Variants in PKD1L1 observed in about 807,000 individuals in gnomAD.
PKD1L1 encodes the protein polycystin-1-like protein 1.
Under a neutral mutation model 323.4 loss-of-function variants are expected in PKD1L1, and 236 were observed. The ratio of observed to expected loss-of-function variants is 0.73; its 90% CI spans 0.66 to 0.81. The LOEUF (loss-of-function observed/expected upper bound fraction) is 0.81, where lower values mean the gene tolerates loss of function less well. Among genes scored for constraint, PKD1L1 ranks in the 40% least tolerant of loss-of-function variants. The probability of loss-of-function intolerance (pLI) is 0.00; values close to 1 mark genes in which losing one functional copy is unlikely to be tolerated. For synonymous variants in PKD1L1, 1,344 were observed against 1,335.0 expected (o/e 1.01, Z -0.15); for missense variants, 3,320 against 3,508.0 (o/e 0.95, Z 1.35).
intron 24 of PKD1L1, among the ~76,000 whole-genome samples, chr7:47,872,190 G>C (rs1329659078): frequency 6.6e-6 from 1 of 152,234 alleles, no homozygotes; most frequent in East Asian, 1.9e-4. Context: ...CAGGAGTCTG[G>C]AGCCCCAGTC....
intron 7 of PKD1L1, among the ~76,000 whole-genome samples, chr7:47,925,269 G>C (rs770561726): frequency 3.9e-5 from 6 of 152,148 alleles, no homozygotes; most frequent in Non-Finnish European, 8.8e-5. Context: ...CAACACTTTG[G>C]GAGGCTGAGG....
In PKD1L1 at chr7:47,838,815, T is replaced by A. The variant is rs899278650; in HGVS notation, c.5769+631A>T. Among the ~76,000 whole-genome samples the A allele has an allele frequency of 1.1e-4, 16 of 146,428 alleles. No homozygotes were observed. The East Asian group carries it at 3.2e-3, about 29-fold the overall frequency. ...ATCACTTGAACCCGGGAGGCAGAGGTTGCAGTGAGTCGAGATCGTGCCACT... is the reference window on the plus strand; with the variant it reads ...ATCACTTGAACCCGGGAGGCAGAGGATGCAGTGAGTCGAGATCGTGCCACT... On this transcript the variant is annotated intron_variant, in intron 36 of 56. Coordinates refer to ENST00000289672, the MANE Select transcript of PKD1L1 (RefSeq NM_138295.5).
At chr7:47,900,804 G>A (rs1409456069) in intron 13 of PKD1L1, among the ~76,000 whole-genome samples, 2 of 152,146 alleles carry the variant, frequency 1.3e-5, no homozygotes, top group Non-Finnish European at 2.9e-5. Flanking sequence ...ATATAGTGAT[G>A]TATAATCTTT....
chr7:47,954,152 C>T, the PKD1L1 span, among the ~76,000 whole-genome samples: 1 of 152,300 alleles, frequency 6.6e-6, no homozygotes, highest in South Asian at 2.1e-4. Flanking sequence ...TGCGCTAAGA[C>T]ACGCCAACCA....
intron 56 of PKD1L1, among the ~76,000 whole-genome samples, chr7:47,781,021 T>C (rs1786679953): frequency 6.6e-6 from 1 of 152,228 alleles, no homozygotes; most frequent in Admixed American, 6.5e-5. Flanking sequence ...TTCCCATCAG[T>C]AATGTATGAG....
intron 56 of PKD1L1, among the ~76,000 whole-genome samples, chr7:47,790,417 A>G (rs1170071134): frequency 1.3e-5 from 2 of 148,978 alleles, no homozygotes; most frequent in East Asian, 4.1e-4. Context: ...TGCAAGCTCT[A>G]CCTCCTGGGT....
At chr7:47,928,475 C>T (rs952670209) in intron 7 of PKD1L1, among the ~76,000 whole-genome samples, 16 of 152,022 alleles carry the variant, frequency 1.1e-4, no homozygotes, top group Non-Finnish European at 1.9e-4. Flanking sequence ...GAGGCTGAGG[C>T]GGGAGGATCC....
At chr7:47,919,975 G>A (rs182251784) in intron 7 of PKD1L1, among the ~76,000 whole-genome samples, 54 of 152,120 alleles carry the variant, frequency 3.5e-4, no homozygotes, top group African/African-American at 1.3e-3. Context: ...GATGCCCACT[G>A]TCACCACTCC....
rs1018851848 is a variant in PKD1L1, at chr7:47,840,657, G to A, written c.5446-90C>T. On this transcript the variant is annotated intron_variant, in intron 34 of 56. Transcript: ENST00000289672. This position sits in a 1 kb window ranked among gnomAD's most constrained non-coding sequence, Gnocchi z 4.1. ...CAGGGCTTCCTCGCACTTTCTCCCA[G>A]CGTCCCACCCTTCCTCAAAACCATC... is the stretch of plus-strand genomic sequence containing the variant. 9 of 999,900 alleles carry A rather than the reference G, an allele frequency of 9.0e-6. No individual in the cohort carries two copies. The African/African-American group carries it at 1.3e-4, about 14-fold the overall frequency. 61.9% of individuals were successfully genotyped at this position (999,900 alleles called of 1,614,324 possible). A position where few individuals can be genotyped will look rare whatever the true frequency, so the allele number is the denominator to read the frequency against.
chr7:47,938,158 G>A (rs1015088290), intron 3 of PKD1L1, among the ~76,000 whole-genome samples: 2 of 152,122 alleles, frequency 1.3e-5, no homozygotes, highest in African/African-American at 4.8e-5. Context: ...AGTTAGTATA[G>A]GTTAACCAAC....
chr7:47,910,538 C>T (rs1787297720), intron 8 of PKD1L1, among the ~76,000 whole-genome samples: 1 of 152,074 alleles, frequency 6.6e-6, no homozygotes, highest in African/African-American at 2.4e-5. Flanking sequence ...CAGGGTTTCA[C>T]CGTGTTAGCC....
intron 15 of PKD1L1, among the ~76,000 whole-genome samples, chr7:47,891,509 G>A (rs1786818000): frequency 6.6e-6 from 1 of 152,206 alleles, no homozygotes; most frequent in African/African-American, 2.4e-5. Context: ...CTTTTCAAAG[G>A]TGTCACCTAA....
intron 13 of PKD1L1, among the ~76,000 whole-genome samples, chr7:47,900,212 C>T (rs745585220): frequency 6.6e-6 from 1 of 152,086 alleles, no homozygotes; most frequent in Non-Finnish European, 1.5e-5. Context: ...ATTTTTAGCT[C>T]ATTCATGATA....
intron 3 of PKD1L1, among the ~76,000 whole-genome samples, chr7:47,938,049 G>A (rs996109104): frequency 6.6e-6 from 1 of 152,106 alleles, no homozygotes; most frequent in African/African-American, 2.4e-5. Flanking sequence ...CTGTGGACAT[G>A]ATTACAAAAA....
In PKD1L1 at chr7:47,857,848, T is replaced by G; in HGVS notation, c.4363-16A>C. ...AGAGACAACCCTGAAACATAGAGCATAGGGAGTGGGATGTTTATAACACAA... is the reference window on the plus strand; with the variant it reads ...AGAGACAACCCTGAAACATAGAGCAGAGGGAGTGGGATGTTTATAACACAA... On this transcript the variant is annotated splice_polypyrimidine_tract_variant and intron_variant, in intron 27 of 56. Coordinates refer to ENST00000289672, the MANE Select transcript of PKD1L1 (RefSeq NM_138295.5). The G allele has an allele frequency of 6.2e-7, 1 of 1,608,308 alleles. No individual in the cohort carries two copies. Among genetic ancestry groups the G allele is most frequent in the African/African-American group, 1.3e-5 (1 of 74,894 alleles).
intron 56 of PKD1L1, among the ~76,000 whole-genome samples, chr7:47,783,436 A>G (rs1271093886): frequency 6.6e-6 from 1 of 152,230 alleles, no homozygotes; most frequent in Non-Finnish European, 1.5e-5. Flanking sequence ...AATTAATGGA[A>G]AACTATAATA....
Position 47,877,352 on chromosome 7 carries a change from A to T in PKD1L1, c.3663+137T>A, listed in dbSNP as rs2348660. ...CCCATTCATGCCTAACCAACTTTCC[A>T]ACATTCAACGGCAGGCTGAAATCCT... On this transcript the variant is annotated intron_variant, in intron 22 of 56. Transcript: ENST00000289672. 378,543 of 1,282,156 alleles carry T rather than the reference A, an allele frequency of 0.3. 60,078 individuals carry two copies. Among genetic ancestry groups the T allele is most frequent in the African/African-American group, 0.57 (38,076 of 67,180 alleles). 79.4% of individuals were successfully genotyped at this position (1,282,156 alleles called of 1,614,324 possible). A position where few individuals can be genotyped will look rare whatever the true frequency, so the allele number is the denominator to read the frequency against.
At chr7:47,902,214 C>T (rs1157297258) in intron 13 of PKD1L1, among the ~76,000 whole-genome samples, 165 bp downstream of exon 13, 1 of 152,198 alleles carries the variant, frequency 6.6e-6, no homozygotes, top group Non-Finnish European at 1.5e-5. Flanking sequence ...ACCCAGGTCA[C>T]CCGCTCTGAA....
chr7:47,847,029 T>A lies in PKD1L1; in HGVS notation c.5003A>T (p.Asp1668Val), dbSNP rs1583616937. The change falls in exon 32 of 57, where the codon GAC becomes GTC. Residue 1668 changes from aspartate to valine, a missense_variant. Coordinates refer to ENST00000289672, the MANE Select transcript of PKD1L1 (RefSeq NM_138295.5). ...GYLSLLDADYDRKPPNRYLAK... is the reference protein window; with the variant it reads ...GYLSLLDADYVRKPPNRYLAK... The stretch of plus-strand genomic sequence containing the variant: ...TAAATATCTGTTTGGAGGTTTTCTG[T>A]CATAGTCAGCATCCAATAAGGATAA... 3.7e-6 allele frequency: 6 copies of A among 1,608,148 alleles called. No individual in the cohort carries two copies. The highest frequency in any genetic ancestry group is 4.2e-6 in the Non-Finnish European group (5 of 1,178,046).
Sources: allele counts gnomAD v4.1 joint callset (sites outside exome capture counted in the v4.1 genomes callset), GRCh38; gene constraint gnomAD v4.1.1; non-coding constraint Gnocchi (gnomAD v3.1); transcripts MANE v1.5; gene names NCBI Gene and HGNC (gene_info 2026-07-23, HGNC 2026-07-21).